The following KMT2C variants were observed in gnomAD, a reference collection of about 807,000 sequenced individuals.
The protein encoded by KMT2C is histone-lysine N-methyltransferase 2C.
Under a neutral mutation model 507.9 loss-of-function variants are expected in KMT2C, and 88 were observed. That is an observed-to-expected ratio of 0.17 (90% CI 0.15 to 0.21). The LOEUF is 0.21. Among genes scored for constraint, KMT2C ranks in the 10% least tolerant of loss-of-function variants. The pLI is 1.00. For missense variants in KMT2C, 4,954 were observed against 5,957.8 expected (o/e 0.83, Z 5.55); for synonymous variants, 2,049 against 2,080.8 (o/e 0.98, Z 0.42).
chr7:152,425,373 C>T (rs777462953), intron 1 of KMT2C, among the ~76,000 whole-genome samples: 1 of 152,104 alleles, frequency 6.6e-6, no homozygotes, highest in South Asian at 2.1e-4. Context: ...GTCAGAAGTT[C>T]GAGACCAGCC....
At chr7:152,337,057 G>A (rs2096942292) in intron 2 of KMT2C, among the ~76,000 whole-genome samples, 1 of 152,146 alleles carries the variant, frequency 6.6e-6, no homozygotes, top group African/African-American at 2.4e-5. Flanking sequence ...TTGGGAAGCA[G>A]GAGGATCACT....
At chr7:152,253,124 G>A (rs2095587222) in intron 9 of KMT2C, among the ~76,000 whole-genome samples, 1 of 152,010 alleles carries the variant, frequency 6.6e-6, no homozygotes, top group Non-Finnish European at 1.5e-5. Context: ...CAAAGTGCTG[G>A]GATTACAGGT....
intron 2 of KMT2C, among the ~76,000 whole-genome samples, chr7:152,342,861 C>T (rs2097010932): frequency 6.6e-6 from 1 of 152,158 alleles, no homozygotes; most frequent in African/African-American, 2.4e-5. Context: ...TAACTAGAGC[C>T]TAACCTACGA....
In KMT2C at chr7:152,187,136, T is replaced by C. The variant is rs1302773582; in HGVS notation, c.5008+126A>G. 3 of 695,148 alleles carry C rather than the reference T, an allele frequency of 4.3e-6. No homozygotes were observed. In the East Asian group the frequency reaches 7.8e-5, roughly 18 times the overall value. 43.1% of individuals were successfully genotyped at this position (695,148 alleles called of 1,614,324 possible). A position where few individuals can be genotyped will look rare whatever the true frequency, so the allele number is the denominator to read the frequency against. On this transcript the variant is annotated intron_variant, in intron 33 of 58. Coordinates refer to ENST00000262189, the MANE Select transcript of KMT2C (RefSeq NM_170606.3). ...AAGATGTTTCTAGACATCTAGGGAA[T>C]CTTCATGTTGTGGGTCATCATAGAC... is the stretch of plus-strand genomic sequence containing the variant.
chr7:152,310,670 T>TTTG (rs1554635282), intron 5 of KMT2C, among the ~76,000 whole-genome samples: 15 of 151,984 alleles, frequency 9.9e-5, no homozygotes, highest in African/African-American at 2.2e-4. Flanking sequence ...TCTGTTTTTT[T>TTTG]TTGTTGTTGT....
intron 3 of KMT2C, among the ~76,000 whole-genome samples, chr7:152,316,847 C>T (rs191870238): frequency 6.6e-6 from 1 of 151,858 alleles, no homozygotes; most frequent in East Asian, 1.9e-4. Context: ...AAAATCAAGT[C>T]AAGTTGAAAA....
chr7:152,302,069 C>T (rs1205529694), intron 6 of KMT2C, among the ~76,000 whole-genome samples: 3 of 152,018 alleles, frequency 2.0e-5, no homozygotes, highest in South Asian at 4.1e-4. Flanking sequence ...AAACGTACAA[C>T]TCTTCTCACA....
rs1398477573 is a variant in KMT2C at position 152,236,404 on chromosome 7, T to C, written c.2653-471A>G. Among the ~76,000 whole-genome samples, 4 of 152,224 alleles carry C rather than the reference T, an allele frequency of 2.6e-5. No individual in the cohort carries two copies. In the East Asian group the frequency reaches 5.8e-4, roughly 22 times the overall value. On this transcript the variant is annotated intron_variant, in intron 15 of 58. Transcript: ENST00000262189. The stretch of plus-strand genomic sequence containing the variant: ...ATTTTTTACTCTCAACAATCCCATA[T>C]AGTAGGTTTTATTATCCCCATTTGA...
intron 37 of KMT2C, among the ~76,000 whole-genome samples, chr7:152,179,620 C>G (rs1776479187): frequency 1.8e-5 from 2 of 111,852 alleles, no homozygotes; most frequent in Admixed American, 2.5e-4. Flanking sequence ...CTTCATTTGT[C>G]TATTTCTTTT....
intron 1 of KMT2C, among the ~76,000 whole-genome samples, chr7:152,408,484 C>T (rs148914830): frequency 0.033 from 3,769 of 113,708 alleles, no homozygotes; most frequent in South Asian, 0.047. Flanking sequence ...CACTCGGTAG[C>T]CTGTTGGGAA....
intron 2 of KMT2C, among the ~76,000 whole-genome samples, chr7:152,338,644 T>C (rs1049747602): frequency 5.3e-5 from 8 of 152,172 alleles, no homozygotes; most frequent in Non-Finnish European, 1.0e-4. Context: ...ATAAGGAAAC[T>C]AAAATCTGAA....
chr7:152,313,119 CT>C (rs2096688326), intron 4 of KMT2C, among the ~76,000 whole-genome samples: 1 of 151,936 alleles, frequency 6.6e-6, no homozygotes, highest in African/African-American at 2.4e-5. Flanking sequence ...GCTATGCTAA[CT>C]TTAAATTCTC....
rs142267328 is a variant in KMT2C at position 152,176,946 on chromosome 7, T to C, written c.8507A>G (p.Lys2836Arg). The C allele has an allele frequency of 4.6e-5, 75 of 1,614,078 alleles. No homozygotes were observed. The highest frequency in any genetic ancestry group is 6.2e-5 in the Non-Finnish European group (73 of 1,180,032). ...VLSPNSKVES[K>R]CETEKNDENK... ...CTCATCATTTTTTTCAGTTTCACAT[T>C]TGGATTCCACCTTAGAATTTGGAGA... The change falls in exon 38 of 59, where the codon AAA becomes AGA. Residue 2836 changes from lysine to arginine, a missense_variant. By Grantham distance (26) the Lys-to-Arg change is conservative. Coordinates refer to ENST00000262189, the MANE Select transcript of KMT2C (RefSeq NM_170606.3).
At chr7:152,400,675 G>C (rs1204928803) in intron 1 of KMT2C, among the ~76,000 whole-genome samples, 1 of 152,168 alleles carries the variant, frequency 6.6e-6, no homozygotes, top group Non-Finnish European at 1.5e-5. Flanking sequence ...GATAAGCAAG[G>C]ATTCAAAACT....
At position 152,397,055 on chromosome 7, in the gene KMT2C, T is replaced by A. The variant is rs144083234; in HGVS notation, c.162-38380A>T. On this transcript the variant is annotated intron_variant, in intron 1 of 58. Transcript: ENST00000262189. ...TCTAGTTTAAAACCTGTTTCTCCAC[T>A]AAGATCAATCTCTAATCTAAGTAAA... 2.6e-5 allele frequency among the ~76,000 whole-genome samples: 4 copies of A among 152,222 alleles called. No homozygotes were observed. The East Asian group carries it at 7.7e-4, about 29-fold the overall frequency.
chr7:152,253,685 A>G (rs1157659595), intron 9 of KMT2C, among the ~76,000 whole-genome samples: 1 of 151,922 alleles, frequency 6.6e-6, no homozygotes, highest in Non-Finnish European at 1.5e-5. Flanking sequence ...TGAGACTGCC[A>G]TGGTGGGTGG....
rs1382583503 is a variant in KMT2C, at chr7:152,348,300, A to C, written c.250+10287T>G. Among the ~76,000 whole-genome samples the C allele has an allele frequency of 2.6e-5, 4 of 152,184 alleles. No homozygotes were observed. In the East Asian group the frequency reaches 7.7e-4, roughly 29 times the overall value. On this transcript the variant is annotated intron_variant, in intron 2 of 58. Transcript: ENST00000262189. ...ATTTCTCTATACTCTCTTTCAGGAG[A>C]TAAAGCATAGGGAAGGCCAGGCATG... is the stretch of plus-strand genomic sequence containing the variant.
chr7:152,273,883 G>C lies in KMT2C; in HGVS notation c.850-16C>G. On this transcript the variant is annotated splice_polypyrimidine_tract_variant and intron_variant, in intron 6 of 58. Transcript: ENST00000262189. ...ATGCACATCGCTGAAAGGGGTAAAG[G>C]AGAGAAATCTCTTTATAAAACCTTG... The C allele has an allele frequency of 2.5e-6, 4 of 1,608,112 alleles. No individual in the cohort carries two copies. Among genetic ancestry groups the C allele is most frequent in the Non-Finnish European group, 3.4e-6 (4 of 1,175,896 alleles).
chr7:152,434,349 C>T (rs2097895285), intron 1 of KMT2C, among the ~76,000 whole-genome samples: 2 of 152,178 alleles, frequency 1.3e-5, no homozygotes, highest in South Asian at 2.1e-4. Context: ...GAATCATTTT[C>T]ATAGTAAAAG....
Sources: gnomAD v4.1 joint callset for allele counts (sites outside exome capture counted in the v4.1 genomes callset) on GRCh38, gnomAD v4.1.1 for gene constraint, MANE v1.5 for transcripts, NCBI Gene and HGNC (gene_info 2026-07-23, HGNC 2026-07-21) for gene names.